Variants in GMEB1 observed in about 807,000 individuals in gnomAD.
GMEB1 encodes glucocorticoid modulatory element binding protein 1.
A neutral mutation model predicts 52.4 loss-of-function variants in GMEB1; 6 were observed. The observed-to-expected ratio is 0.11, with a 90% CI of 0.06 to 0.23. GMEB1 has a LOEUF of 0.23. Ranked by LOEUF, GMEB1 falls within the 10% of genes least tolerant of loss-of-function variation. GMEB1 has a pLI of 1.00. For synonymous variants in GMEB1, 255 were observed against 244.9 expected, an observed-to-expected ratio of 1.04 and a Z score of -0.38; for missense variants, 486 against 685.6, an observed-to-expected ratio of 0.71 and a Z score of 3.25.
chr1:28,692,546 T>G (rs1423061692), intron 4 of GMEB1, among the ~76,000 whole-genome samples: 1 of 151,388 alleles, frequency 6.6e-6, no homozygotes, highest in Non-Finnish European at 1.5e-5. Context: ...AAAAAAAAAT[T>G]ATTAGATTGA....
chr1:28,675,940 C>T (rs138048506), intron 1 of GMEB1, among the ~76,000 whole-genome samples: 11 of 152,174 alleles, frequency 7.2e-5, no homozygotes, highest in African/African-American at 2.6e-4. Context: ...GATACTTAAC[C>T]CAAACTTGCT....
Sources: allele counts gnomAD v4.1 joint callset (sites outside exome capture counted in the v4.1 genomes callset), GRCh38; gene constraint gnomAD v4.1.1; transcripts MANE v1.5; gene names NCBI Gene and HGNC (gene_info 2026-07-23, HGNC 2026-07-21).